Variants in NID2 observed in about 807,000 individuals in gnomAD.
NID2 encodes the protein nidogen-2.
In NID2, 83 loss-of-function variants were observed where a neutral mutation model predicts 145.4. The ratio of observed to expected loss-of-function variants is 0.57; its 90% confidence interval spans 0.48 to 0.69. The LOEUF (loss-of-function observed/expected upper bound fraction) is 0.69. NID2 is among the 30% of genes least tolerant of loss of function. The pLI is 0.00. For synonymous variants in NID2, 739 were observed against 701.3 expected (o/e 1.05, Z -0.85); for missense variants, 1,807 against 1,765.7 (o/e 1.02, Z -0.42).
chr14:52,027,338 G>A lies in NID2; in HGVS notation c.2537C>T (p.Thr846Ile), dbSNP rs1891625002. Residue 846 changes from threonine (T) to isoleucine (I), a missense_variant, in exon 12 of 22, where the codon ACC becomes ATC. Physicochemically the swap from Thr to Ile is moderately conservative, Grantham distance 89. Coordinates refer to ENST00000216286, the MANE Select transcript of NID2 (RefSeq NM_007361.4). The stretch of plus-strand genomic sequence containing the variant: ...ATCCTCACAGGGGTTGGCAGGTGGG[G>A]TGATCACTGAAAAGAGAAGAAGATA... ...ADDRHTCILITPPANPCEDGS... is the reference protein window; with the variant it reads ...ADDRHTCILIIPPANPCEDGS... The A allele has an allele frequency of 6.4e-7, 1 of 1,563,756 alleles. No homozygotes were observed. The highest frequency in any genetic ancestry group is 1.4e-5 in the African/African-American group (1 of 71,982).
intron 16 of NID2, 112 bp from the exon 17 acceptor site, chr14:52,011,795 T>C: frequency 7.7e-7 from 1 of 1,291,906 alleles, no homozygotes; most frequent in South Asian, 1.3e-5. Flanking sequence ...ACTGTGATCC[T>C]GCAGGCAACA....
chr14:52,019,221 G>T lies in NID2; in HGVS notation c.2868C>A (p.Ala956=). ...HAQAQYAYPG[A]RFHIPQCDEQ... The stretch of plus-strand genomic sequence containing the variant: ...CGTCGCATTGGGGGATGTGGAACCG[G>T]GCCCCAGGGTAGGCATACTGGGCCT... The change falls in exon 14 of 22, where the codon GCC becomes GCA. Residue 956 remains alanine, a synonymous_variant. Transcript: ENST00000216286. The T allele has an allele frequency of 1.2e-6, 2 of 1,613,284 alleles. No individual in the cohort carries two copies.
Position 52,065,497 on chromosome 14 carries a change from TATTTA to T in NID2, c.534+2356_534+2360del, listed in dbSNP as rs1286794778. Among the ~76,000 whole-genome samples, 1,205 of 145,898 alleles carry T rather than the reference TATTTA, an allele frequency of 8.3e-3. 22 individuals carry two copies. The highest frequency in any genetic ancestry group is 0.029 in the African/African-American group (1,153 of 39,392). On this transcript the variant is annotated intron_variant, in intron 2 of 21. Transcript: ENST00000216286. ...CCCCTTTCTTTTTTATTTATTTATT[TATTTA>T]TTTATTTATTTTTTATTATACTCTA...
chr14:52,030,481 A>AAAAGAAAAGAAAGAAAGAAAGAAAGAAAG (rs1555363676), intron 9 of NID2, among the ~76,000 whole-genome samples: 1 of 115,298 alleles, frequency 8.7e-6, no homozygotes, highest in African/African-American at 3.2e-5. Flanking sequence ...CGAGAGAAAG[A>AAAAGAAAAGAAAGAAAGAAAGAAAGAAAG]AAAGAAAGAA....
intron 9 of NID2, among the ~76,000 whole-genome samples, chr14:52,036,268 A>C (rs967049230): frequency 1.5e-4 from 23 of 152,162 alleles, no homozygotes. Context: ...GTAACCATTC[A>C]GTATGCTGTC....
At chr14:52,066,017 C>G (rs974648688) in intron 2 of NID2, among the ~76,000 whole-genome samples, 4 of 151,288 alleles carry the variant, frequency 2.6e-5, no homozygotes, top group Admixed American at 6.6e-5. Context: ...TGGGTATATA[C>G]CCAGTAATGG....
chr14:52,040,467 A>T (rs574604793), intron 8 of NID2, among the ~76,000 whole-genome samples, 184 bp downstream of exon 8: 14 of 152,246 alleles, frequency 9.2e-5, no homozygotes, highest in Admixed American at 7.2e-4. Flanking sequence ...TATGTATAGC[A>T]GCCATTCTGC....
chr14:52,057,606 G>A (rs1892894045), intron 3 of NID2, among the ~76,000 whole-genome samples: 1 of 150,046 alleles, frequency 6.7e-6, no homozygotes, highest in South Asian at 2.1e-4. Context: ...GGAGGCTGAG[G>A]CAGGAGAATT....
intron 12 of NID2, among the ~76,000 whole-genome samples, chr14:52,026,426 A>G (rs1165326985): frequency 6.6e-6 from 1 of 152,112 alleles, no homozygotes; most frequent in African/African-American, 2.4e-5. Context: ...CCATTCTCTC[A>G]TCCCCAGTGT....
At chr14:52,021,149 G>C (rs1211960597) in intron 12 of NID2, among the ~76,000 whole-genome samples, 1 of 151,424 alleles carries the variant, frequency 6.6e-6, no homozygotes, top group South Asian at 2.1e-4. Flanking sequence ...TCCGATTAAG[G>C]CTTGGCTGAA....
At chr14:52,060,970 G>C (rs774416075) in intron 2 of NID2, among the ~76,000 whole-genome samples, 14 of 152,170 alleles carry the variant, frequency 9.2e-5, no homozygotes, top group Admixed American at 6.5e-4. Context: ...GGGGCTAACA[G>C]GTCTTCCTCA....
chr14:52,034,177 T>C (rs1712997361), intron 9 of NID2, among the ~76,000 whole-genome samples: 1 of 152,126 alleles, frequency 6.6e-6, no homozygotes, highest in Admixed American at 6.6e-5. Context: ...AACAAGCAAC[T>C]TGGTACCTGC....
rs1890728795 is a variant in NID2, at chr14:52,005,408, T to C, written c.*78A>G. Reference sequence around the variant, plus strand: ...CTAATGGCCAATTCCTTTTTTACTTTCTTTGCCTTTGCAGTCACTGTTCTT... The same window carrying C: ...CTAATGGCCAATTCCTTTTTTACTTCCTTTGCCTTTGCAGTCACTGTTCTT... On this transcript the variant is annotated 3_prime_UTR_variant, in exon 22 of 22. Transcript: ENST00000216286. 1 of 1,386,288 alleles carries C rather than the reference T, an allele frequency of 7.2e-7. No homozygotes were observed. Among genetic ancestry groups the C allele is most frequent in the Non-Finnish European group, 9.6e-7 (1 of 1,036,492 alleles). The allele number at this position is 1,386,288 out of a possible 1,614,324, so 85.9% of individuals were successfully genotyped here.
chr14:52,019,335 G>A, intron 13 of NID2, 41 bp from the exon 14 acceptor site: 1 of 1,495,640 alleles, frequency 6.7e-7, no homozygotes, highest in Non-Finnish European at 9.0e-7. Flanking sequence ...AAGAGAAATA[G>A]AAGGCATTGC....
In NID2 at chr14:52,020,050, G is replaced by A. The variant is rs376192291; in HGVS notation, c.2794+9C>T. The stretch of plus-strand genomic sequence containing the variant: ...ATTCATGTGCCTAATCTGGCCCTCT[G>A]AAACTTACCAGGTATGCACTGAAAT... On this transcript the variant is annotated intron_variant, in intron 13 of 21. Coordinates refer to ENST00000216286, the MANE Select transcript of NID2 (RefSeq NM_007361.4). The A allele has an allele frequency of 1.1e-4, 174 of 1,613,504 alleles. 1 individual carries two copies. Among genetic ancestry groups the A allele is most frequent in the Non-Finnish European group, 1.3e-4 (155 of 1,179,672 alleles).
rs59049676 is a variant in NID2, at chr14:52,027,633, T to TACACACACACACACACACAC, written c.2531-309_2531-290dup. Among the ~76,000 whole-genome samples the TACACACACACACACACACAC allele has an allele frequency of 4.9e-5, 7 of 144,248 alleles. No homozygotes were observed. In the East Asian group the frequency reaches 1.0e-3, roughly 21 times the overall value. 94.6% of individuals were successfully genotyped at this position (144,248 alleles called of 152,430 possible). A position where few individuals can be genotyped will look rare whatever the true frequency, so the allele number is the denominator to read the frequency against. Reference sequence around the variant, plus strand: ...GTTTATAACACTCCAGAGCAATTGCTACACACACACACACACACACACACA... The same window carrying TACACACACACACACACACAC: ...GTTTATAACACTCCAGAGCAATTGCTACACACACACACACACACACACACACACACACACACACACACACA... On this transcript the variant is annotated intron_variant, in intron 11 of 21. Coordinates refer to ENST00000216286, the MANE Select transcript of NID2 (RefSeq NM_007361.4).
At chr14:52,053,288 T>C (rs1892735851) in intron 5 of NID2, among the ~76,000 whole-genome samples, 1 of 152,214 alleles carries the variant, frequency 6.6e-6, no homozygotes, top group Non-Finnish European at 1.5e-5. Flanking sequence ...TTCATTACAC[T>C]TGAGAGCGTA....
At position 52,054,031 on chromosome 14, in the gene NID2, T is replaced by C. The variant is rs751133442; in HGVS notation, c.1058A>G (p.Lys353Arg). 1.2e-6 allele frequency: 2 copies of C among 1,613,936 alleles called. No individual in the cohort carries two copies. The highest frequency in any genetic ancestry group is 1.7e-6 in the Non-Finnish European group (2 of 1,179,914). The change falls in exon 4 of 22, where the codon AAG (lysine) becomes AGG (arginine). Residue 353 changes from lysine (K) to arginine (R), a missense_variant. By Grantham distance (26) the Lys-to-Arg change is conservative. Transcript: ENST00000216286. ...DVSFQSKVDTKPLEESSTLDP... is the reference protein window; with the variant it reads ...DVSFQSKVDTRPLEESSTLDP... ...AGGGGAGATCCTACCCTCTAAAGGC[T>C]TTGTATCCACTTTGGATTGGAAGGA...
chr14:52,014,993 C>T, intron 15 of NID2, 61 bp downstream of exon 15: 1 of 1,389,432 alleles, frequency 7.2e-7, no homozygotes, highest in Non-Finnish European at 1.0e-6. Context: ...CCACAGCAGG[C>T]ACCATCCCTA....
Sources: gnomAD v4.1 joint callset for allele counts (sites outside exome capture counted in the v4.1 genomes callset) on GRCh38, gnomAD v4.1.1 for gene constraint, MANE v1.5 for transcripts, NCBI Gene and HGNC (gene_info 2026-07-23, HGNC 2026-07-21) for gene names.